Variants in IGSF6 observed in about 807,000 individuals in gnomAD.
IGSF6 encodes the protein immunoglobulin superfamily member 6.
A neutral mutation model predicts 24.7 loss-of-function variants in IGSF6; 23 were observed. The ratio of observed to expected loss-of-function variants is 0.93; its 90% confidence interval spans 0.67 to 1.32. The LOEUF is 1.32. IGSF6 is among the 40% of genes most tolerant of loss of function. The probability of loss-of-function intolerance (pLI) is 0.00; values close to 1 mark genes in which losing one functional copy is unlikely to be tolerated. For synonymous variants in IGSF6, 110 were observed against 113.7 expected (o/e 0.97, Z 0.21); for missense variants, 295 against 293.6 (o/e 1.00, Z -0.04).
intron 5 of IGSF6, 44 bp downstream of exon 5, chr16:21,643,030 C>A: frequency 7.4e-7 from 1 of 1,349,642 alleles, no homozygotes; most frequent in Non-Finnish European, 1.1e-6. Flanking sequence ...TTCAAACGTG[C>A]TTTATATCTG....
rs1046323789 is a variant in IGSF6 at position 21,639,578 on chromosome 16, T to G, written c.*1956A>C. 3 of 152,232 alleles carry G rather than the reference T, an allele frequency of 2.0e-5. No homozygotes were observed. Among genetic ancestry groups the G allele is most frequent in the Non-Finnish European group, 4.4e-5 (3 of 68,036 alleles). The allele number at this position is 152,232 out of a possible 1,614,324, so 9.4% of individuals were successfully genotyped here. A position where few individuals can be genotyped will look rare whatever the true frequency, so the allele number is the denominator to read the frequency against. Reference sequence around the variant, plus strand: ...ATTTTGGAATATGGCAGGAAAGTATTAGCATTTTTTATTTATATTGCTGCT... The same window carrying G: ...ATTTTGGAATATGGCAGGAAAGTATGAGCATTTTTTATTTATATTGCTGCT... On this transcript the variant is annotated 3_prime_UTR_variant, in exon 6 of 6. Coordinates refer to ENST00000268389, the MANE Select transcript of IGSF6 (RefSeq NM_005849.4).
intron 1 of IGSF6, among the ~76,000 whole-genome samples, chr16:21,651,144 AC>A (rs1397123522): frequency 3.9e-5 from 6 of 152,054 alleles, no homozygotes; most frequent in Non-Finnish European, 8.8e-5. Context: ...AATGGCGTGA[AC>A]CCGGGAGGCG....
intron 2 of IGSF6, 199 bp downstream of exon 2, chr16:21,646,934 G>T: frequency 1.5e-6 from 1 of 653,202 alleles, no homozygotes; most frequent in Non-Finnish European, 2.7e-6. Flanking sequence ...GATTACAGGT[G>T]TGAGCCACCA....
chr16:21,643,745 T>C, intron 3 of IGSF6, 147 bp from the exon 4 acceptor site: 1 of 592,926 alleles, frequency 1.7e-6, no homozygotes. Context: ...TTTGAGATGC[T>C]TTTACTCCAT....
At chr16:21,643,625 G>T (rs1233649959) in intron 3 of IGSF6, 27 bp from the exon 4 acceptor site, 5 of 1,534,542 alleles carry the variant, frequency 3.3e-6, no homozygotes, top group Non-Finnish European at 4.5e-6. Context: ...GAAAGTCTAT[G>T]AAACATTTTA....
intron 1 of IGSF6, among the ~76,000 whole-genome samples, chr16:21,648,148 G>A (rs966606227): frequency 2.0e-5 from 3 of 152,148 alleles, no homozygotes; most frequent in Non-Finnish European, 2.9e-5. Flanking sequence ...ATATGAGCTC[G>A]CCAGGCCATA....
At chr16:21,652,080 A>T (rs1224677615) in intron 1 of IGSF6, 4 of 152,352 alleles carry the variant, frequency 2.6e-5, no homozygotes, top group African/African-American at 9.6e-5. Flanking sequence ...AGAAGTAGAC[A>T]GAATTTTAAA....
chr16:21,651,467 ATTTT>A (rs748354488), intron 1 of IGSF6, among the ~76,000 whole-genome samples: 10 of 149,938 alleles, frequency 6.7e-5, no homozygotes, highest in Non-Finnish European at 1.2e-4. Context: ...ACGCCCAGCT[ATTTT>A]TTTTTCTTGT....
At chr16:21,651,430 G>T (rs139747002) in intron 1 of IGSF6, among the ~76,000 whole-genome samples, 1,572 of 152,144 alleles carry the variant, frequency 0.01, 15 homozygotes, top group Middle Eastern at 0.017. Context: ...AGGTGGGTGG[G>T]ACTGCAGGTG....
chr16:21,648,978 TTTTTTGTTTTTGTTTTCA>T (rs1241320155), intron 1 of IGSF6, among the ~76,000 whole-genome samples: 3 of 152,086 alleles, frequency 2.0e-5, no homozygotes, highest in Non-Finnish European at 4.4e-5. Context: ...CTCACCATGT[TTTTTTGTTTTTGTTTTCA>T]TTTTTGTTAT....
intron 1 of IGSF6, among the ~76,000 whole-genome samples, chr16:21,649,384 G>A (rs1262978700): frequency 6.6e-6 from 1 of 152,056 alleles, no homozygotes; most frequent in African/African-American, 2.4e-5. Context: ...CAGACAAGAG[G>A]GTGCAGTCAC....
In IGSF6 at chr16:21,647,152, C is replaced by A; in HGVS notation, c.408G>T (p.Gly136=). 1 of 1,614,114 alleles carries A rather than the reference C, an allele frequency of 6.2e-7. No individual in the cohort carries two copies. The highest frequency in any genetic ancestry group is 1.1e-5 in the South Asian group (1 of 91,054). ...PEARAKQTGG[G]TTLVVREIKL... is the part of the protein sequence containing the mutation. ...ACTGACCTCTTACCACCAGTGTGGTCCCTCCTCCTGTCTGTTTAGCTCTCG... is the reference window on the plus strand; with the variant it reads ...ACTGACCTCTTACCACCAGTGTGGTACCTCCTCCTGTCTGTTTAGCTCTCG... The change falls in exon 2 of 6, where the codon GGG becomes GGT. Residue 136 remains glycine, a synonymous_variant. Transcript: ENST00000268389.
chr16:21,651,296 T>C (rs1459608205), intron 1 of IGSF6, among the ~76,000 whole-genome samples: 1 of 151,818 alleles, frequency 6.6e-6, no homozygotes, highest in East Asian at 1.9e-4. Flanking sequence ...TGTCTCTCTA[T>C]CTAGTAAGTA....
intron 1 of IGSF6, among the ~76,000 whole-genome samples, chr16:21,648,095 C>T (rs540329724): frequency 6.6e-6 from 1 of 152,274 alleles, no homozygotes; most frequent in African/African-American, 2.4e-5. Context: ...GGAAATGCAG[C>T]CCTGGCTTAG....
In IGSF6 at chr16:21,644,342, A is replaced by G. The variant is rs759541983; in HGVS notation, c.482T>C (p.Leu161Pro). The G allele has an allele frequency of 6.2e-7, 1 of 1,614,122 alleles. No homozygotes were observed. The highest frequency in any genetic ancestry group is 2.2e-5 in the East Asian group (1 of 44,886). The change falls in exon 3 of 6, where the codon CTG becomes CCG. Residue 161 changes from leucine (L) to proline (P), a missense_variant. Coordinates refer to ENST00000268389, the MANE Select transcript of IGSF6 (RefSeq NM_005849.4). ...LRSFLTALVS[L>P]LSVYVTGVCV... Reference sequence around the variant, plus strand: ...CACACCGGTCACATAGACAGAGAGCAGTGATACAAGAGCTGTCAGGAAGCT... The same window carrying G: ...CACACCGGTCACATAGACAGAGAGCGGTGATACAAGAGCTGTCAGGAAGCT...
At position 21,639,825 on chromosome 16, in the gene IGSF6, C is replaced by T. The variant is rs750437091; in HGVS notation, c.*1709G>A. The stretch of plus-strand genomic sequence containing the variant: ...GTTTGATATCACTGATTTAAACCAT[C>T]AATGCAAAAACACTTTCAAAGGAAT... On this transcript the variant is annotated 3_prime_UTR_variant, in exon 6 of 6. Transcript: ENST00000268389. 2.0e-5 allele frequency: 3 copies of T among 152,096 alleles called. No individual in the cohort carries two copies. 9.4% of individuals were successfully genotyped at this position (152,096 alleles called of 1,614,324 possible). A position where few individuals can be genotyped will look rare whatever the true frequency, so the allele number is the denominator to read the frequency against.
At chr16:21,647,082 A>C in intron 2 of IGSF6, 51 bp downstream of exon 2, 1 of 1,612,500 alleles carries the variant, frequency 6.2e-7, no homozygotes, top group South Asian at 1.1e-5. Flanking sequence ...ATGATTTTAC[A>C]GGCCTGAACA....
chr16:21,641,681 T>C, intron 5 of IGSF6, 88 bp from the exon 6 acceptor site: 1 of 712,228 alleles, frequency 1.4e-6, no homozygotes, highest in South Asian at 1.9e-5. Flanking sequence ...CACTGGGCCA[T>C]CTTGGATTCT....
intron 2 of IGSF6, among the ~76,000 whole-genome samples, chr16:21,644,655 T>C (rs1966377428): frequency 6.6e-6 from 1 of 152,220 alleles, no homozygotes; most frequent in Non-Finnish European, 1.5e-5. Context: ...ATTTGTCATA[T>C]TGCTAAGCAT....
Sources: gnomAD v4.1 joint callset for allele counts (sites outside exome capture counted in the v4.1 genomes callset) on GRCh38, gnomAD v4.1.1 for gene constraint, MANE v1.5 for transcripts, NCBI Gene and HGNC (gene_info 2026-07-23, HGNC 2026-07-21) for gene names.